Variants in FER1L6 observed in about 807,000 individuals in gnomAD.
FER1L6 encodes the protein fer-1-like protein 6.
Under a neutral mutation model 219.2 loss-of-function variants are expected in FER1L6, and 177 were observed. The observed-to-expected ratio is 0.81, with a 90% CI of 0.71 to 0.91. FER1L6 has a LOEUF of 0.91. FER1L6 is among the 40% of genes least tolerant of loss of function. The probability of loss-of-function intolerance (pLI) is 0.00; values close to 1 mark genes in which losing one functional copy is unlikely to be tolerated. For missense variants in FER1L6, 2,153 were observed against 2,259.9 expected (o/e 0.95, Z 0.96); for synonymous variants, 768 against 824.3 (o/e 0.93, Z 1.17).
intron 1 of FER1L6, among the ~76,000 whole-genome samples, chr8:123,936,424 G>A (rs151338342): frequency 6.9e-6 from 1 of 144,700 alleles, no homozygotes; most frequent in African/African-American, 2.5e-5. Context: ...AGTTTAGAAA[G>A]TACATTGACA....
chr8:124,095,159 T>C (rs1014684166), intron 35 of FER1L6, 121 bp downstream of exon 35: 5 of 1,349,502 alleles, frequency 3.7e-6, no homozygotes, highest in Admixed American at 2.2e-5. Flanking sequence ...GGAATCATTT[T>C]GTGTTGTCAC....
chr8:124,109,576 G>C lies in FER1L6; in HGVS notation c.5289+6267G>C, dbSNP rs145460244. On this transcript the variant is annotated intron_variant, in intron 39 of 40. Coordinates refer to ENST00000522917, the MANE Select transcript of FER1L6 (RefSeq NM_001039112.2). The stretch of plus-strand genomic sequence containing the variant: ...TCCCATACCCTTACTAGCTGTCTAA[G>C]TGATTTCTTCTTAACTCCTGTATCA... Among the ~76,000 whole-genome samples, 819 of 152,312 alleles carry C rather than the reference G, an allele frequency of 5.4e-3. 15 individuals carry two copies. The highest frequency in any genetic ancestry group is 0.019 in the African/African-American group (780 of 41,562).
At chr8:124,090,267 C>T (rs889350731) in intron 33 of FER1L6, among the ~76,000 whole-genome samples, 3 of 152,162 alleles carry the variant, frequency 2.0e-5, no homozygotes, top group South Asian at 2.1e-4. Context: ...GTTTTCAGTC[C>T]CTAGTGGAAC....
At position 124,118,904 on chromosome 8, in the gene FER1L6, G is replaced by T. The variant is rs772521003; in HGVS notation, c.5350G>T (p.Gly1784Ter). The T allele has an allele frequency of 6.2e-7, 1 of 1,613,982 alleles. No homozygotes were observed. Among genetic ancestry groups the T allele is most frequent in the East Asian group, 2.2e-5 (1 of 44,864 alleles). ...AGAAGAAGCTGAGAAAAATCCTGTT[G>T]GAAAAGCCCGAAAGGAGCCAGAGCC... ...TAEEAEKNPV[G>*]KARKEPEPLA... Residue 1784 changes from glycine (G) to a stop codon, truncating the protein, a stop_gained, in exon 40 of 41, where the codon GGA becomes TGA. Coordinates refer to ENST00000522917, the MANE Select transcript of FER1L6 (RefSeq NM_001039112.2). LOFTEE classifies it high-confidence loss of function.
chr8:124,014,970 T>G (rs1162137580), intron 15 of FER1L6, among the ~76,000 whole-genome samples: 1 of 152,196 alleles, frequency 6.6e-6, no homozygotes, highest in African/African-American at 2.4e-5. Flanking sequence ...CGTGGTTATT[T>G]GCAGAATTCA....
rs1387642125 is a variant in FER1L6, at chr8:123,965,999, T to C, written c.198-8T>C. On this transcript the variant is annotated splice_polypyrimidine_tract_variant and splice_region_variant and intron_variant, in intron 3 of 40. Coordinates refer to ENST00000522917, the MANE Select transcript of FER1L6 (RefSeq NM_001039112.2). ...ATGAAACAAACATATTAAACTTTCTTTTAATAGATCAAAACTGTTGACTAA... is the reference window on the plus strand; with the variant it reads ...ATGAAACAAACATATTAAACTTTCTCTTAATAGATCAAAACTGTTGACTAA... The C allele has an allele frequency of 9.3e-6, 15 of 1,611,190 alleles. No homozygotes were observed. The highest frequency in any genetic ancestry group is 1.2e-5 in the Non-Finnish European group (14 of 1,177,934).
chr8:124,003,271 G>T lies in FER1L6; in HGVS notation c.1624G>T (p.Asp542Tyr). Residue 542 changes from aspartate to tyrosine, a missense_variant, in exon 13 of 41, where the codon GAT (aspartate) becomes TAT (tyrosine). Transcript: ENST00000522917. ...TCCACTGCTTCACGAAGGGCAAGGG[G>T]ATGTGGCCCATGATGTTCCCATTCC... ...LLPLLHEGQG[D>Y]VAHDVPIPMA... 7.4e-6 allele frequency: 12 copies of T among 1,614,050 alleles called. No homozygotes were observed. The highest frequency in any genetic ancestry group is 1.0e-5 in the Non-Finnish European group (12 of 1,179,996).
At chr8:124,046,009 G>T in intron 21 of FER1L6, 108 bp downstream of exon 21, 1 of 1,364,700 alleles carries the variant, frequency 7.3e-7, no homozygotes, top group Non-Finnish European at 1.0e-6. Context: ...TGAGTGGTGA[G>T]AACACTAGAT....
chr8:123,967,469 G>A (rs1586530266), intron 5 of FER1L6, among the ~76,000 whole-genome samples: 1 of 152,112 alleles, frequency 6.6e-6, no homozygotes, highest in African/African-American at 2.4e-5. Context: ...AACATGAAAT[G>A]CTTTTAACCT....
chr8:123,879,310 G>T (rs751920821), intron 1 of FER1L6, among the ~76,000 whole-genome samples: 1 of 151,916 alleles, frequency 6.6e-6, no homozygotes. Flanking sequence ...CTCAAAAAAA[G>T]ATTCAATATT....
intron 27 of FER1L6, among the ~76,000 whole-genome samples, chr8:124,067,272 G>A (rs1238328022): frequency 2.6e-5 from 4 of 152,182 alleles, no homozygotes; most frequent in Non-Finnish European, 2.9e-5. Context: ...TACCGAAAAA[G>A]CAAATGTTAG....
At chr8:124,036,315 T>C (rs1300523625) in intron 19 of FER1L6, 1 of 152,180 alleles carries the variant, frequency 6.6e-6, no homozygotes, top group African/African-American at 2.4e-5. Flanking sequence ...GTTCTGGAAA[T>C]ACATATCCAA....
chr8:123,898,011 A>T (rs6989518), intron 1 of FER1L6, among the ~76,000 whole-genome samples: 4,714 of 152,256 alleles, frequency 0.031, 230 homozygotes, highest in African/African-American at 0.11. Flanking sequence ...CAGGCTGGAT[A>T]CTTGTGGTGA....
chr8:123,979,877 T>A (rs1044025888), intron 10 of FER1L6, among the ~76,000 whole-genome samples: 1 of 152,166 alleles, frequency 6.6e-6, no homozygotes, highest in African/African-American at 2.4e-5. Context: ...CCAAAATTTT[T>A]ATCAAGGCCC....
At chr8:123,946,117 T>G (rs1421476914) in intron 1 of FER1L6, among the ~76,000 whole-genome samples, 1 of 152,212 alleles carries the variant, frequency 6.6e-6, no homozygotes, top group African/African-American at 2.4e-5. Flanking sequence ...TCCTAGTGGC[T>G]AAACACAGGA....
At chr8:123,998,826 T>G (rs1817269015) in intron 12 of FER1L6, among the ~76,000 whole-genome samples, 1 of 152,184 alleles carries the variant, frequency 6.6e-6, no homozygotes, top group Non-Finnish European at 1.5e-5. Flanking sequence ...GCTGAGTCTC[T>G]ACCCATGACC....
At chr8:123,942,730 G>A (rs902731688) in intron 1 of FER1L6, among the ~76,000 whole-genome samples, 2 of 152,166 alleles carry the variant, frequency 1.3e-5, no homozygotes, top group Non-Finnish European at 2.9e-5. Context: ...GGGTAATCCA[G>A]GAGAGTGTCT....
intron 3 of FER1L6, among the ~76,000 whole-genome samples, chr8:123,965,563 A>G (rs1815499417): frequency 1.3e-5 from 2 of 152,372 alleles, no homozygotes; most frequent in East Asian, 3.9e-4. Context: ...CAAAGCAATT[A>G]TGATTATATC....
At chr8:123,891,350 G>A (rs947183540) in intron 1 of FER1L6, among the ~76,000 whole-genome samples, 6 of 151,862 alleles carry the variant, frequency 4.0e-5, no homozygotes, top group Non-Finnish European at 5.9e-5. Context: ...CTGTTTTGTC[G>A]TATAATATTT....
Sources: gnomAD v4.1 joint callset for allele counts (sites outside exome capture counted in the v4.1 genomes callset) on GRCh38, gnomAD v4.1.1 for gene constraint, MANE v1.5 for transcripts, NCBI Gene and HGNC (gene_info 2026-07-23, HGNC 2026-07-21) for gene names.